Variants in IGF2BP2 observed in about 807,000 individuals in gnomAD.
IGF2BP2 encodes insulin-like growth factor 2 mRNA-binding protein 2.
IGF2BP2 carries 17 observed loss-of-function variants against 75.8 expected under a neutral mutation model. That is an observed-to-expected ratio of 0.22 (90% CI 0.15 to 0.34). The LOEUF (loss-of-function observed/expected upper bound fraction) is 0.34. Among genes scored for constraint, IGF2BP2 ranks in the 10% least tolerant of loss-of-function variants. The probability of loss-of-function intolerance (pLI) is 1.00; values close to 1 mark genes in which losing one functional copy is unlikely to be tolerated. For synonymous variants in IGF2BP2, 288 were observed against 295.6 expected, an observed-to-expected ratio of 0.97 and a Z score of 0.26; for missense variants, 516 against 772.4, an observed-to-expected ratio of 0.67 and a Z score of 3.93.
In IGF2BP2 at chr3:185,672,545, A is replaced by C. The variant is rs1718679473; in HGVS notation, c.1196T>G (p.Phe399Cys). ...GAPPAAPYHP[F>C]TTHSGYFSSL... The stretch of plus-strand genomic sequence containing the variant: ...TCCACAAGCTGAGCTACTTACAGTG[A>C]AGGGGTGGTAGGGGGCAGCGGGGGG... Residue 399 changes from phenylalanine (F) to cysteine (C), a missense_variant, in exon 10 of 16, where the codon TTC becomes TGC. Around this residue, in one of 3 missense-constraint regions of IGF2BP2, gnomAD observed 75 missense variants for 67.4 expected, o/e 1.11. Transcript: ENST00000382199. The C allele has an allele frequency of 6.2e-7, 1 of 1,611,304 alleles. No homozygotes were observed. The highest frequency in any genetic ancestry group is 1.3e-5 in the African/African-American group (1 of 74,978).
At chr3:185,650,554 G>A (rs931840767) in intron 13 of IGF2BP2, among the ~76,000 whole-genome samples, 2 of 152,026 alleles carry the variant, frequency 1.3e-5, no homozygotes, top group Non-Finnish European at 2.9e-5. Context: ...GCATGCCCCT[G>A]TAATTCCAGC....
chr3:185,706,712 T>A (rs189180440), intron 2 of IGF2BP2, among the ~76,000 whole-genome samples: 1 of 151,848 alleles, frequency 6.6e-6, no homozygotes, highest in African/African-American at 2.4e-5. Flanking sequence ...TCTAGTGAAA[T>A]AGATTATCAG....
chr3:185,791,133 G>GTAACTT (rs1736590476), intron 2 of IGF2BP2, among the ~76,000 whole-genome samples: 1 of 152,204 alleles, frequency 6.6e-6, no homozygotes, highest in Non-Finnish European at 1.5e-5. Context: ...CTGTCTAAAG[G>GTAACTT]GTAGGCACTG....
chr3:185,779,390 T>G lies in IGF2BP2; in HGVS notation c.239+43763A>C, dbSNP rs192416197. Among the ~76,000 whole-genome samples, 66 of 152,300 alleles carry G rather than the reference T, an allele frequency of 4.3e-4. No individual in the cohort carries two copies. The East Asian group carries it at 0.011, about 26-fold the overall frequency. ...CCCAGTTTCAATCACCATCAACATT[T>G]TGCCATAAATGTTCACAGTATCTAA... On this transcript the variant is annotated intron_variant, in intron 2 of 15. Coordinates refer to ENST00000382199, the MANE Select transcript of IGF2BP2 (RefSeq NM_006548.6).
At position 185,687,090 on chromosome 3, in the gene IGF2BP2, T is replaced by G. The variant is rs1721247809; in HGVS notation, c.779A>C (p.Glu260Ala). 1.2e-6 allele frequency: 2 copies of G among 1,613,578 alleles called. No homozygotes were observed. Among genetic ancestry groups the G allele is most frequent in the African/African-American group, 1.3e-5 (1 of 75,014 alleles). ...GTSEACRMIL[E>A]IMQKEADETK... ...CTCATCTGCCTCTTTCTGCATGATTTCAAGAATCATGCGGCATGCTTCAGA... is the reference window on the plus strand; with the variant it reads ...CTCATCTGCCTCTTTCTGCATGATTGCAAGAATCATGCGGCATGCTTCAGA... The change falls in exon 7 of 16, where the codon GAA becomes GCA. Residue 260 changes from glutamate to alanine, a missense_variant. Glu to Ala is a moderately radical substitution (Grantham distance 107). Coordinates refer to ENST00000382199, the MANE Select transcript of IGF2BP2 (RefSeq NM_006548.6).
chr3:185,650,054 G>A (rs148771875), intron 13 of IGF2BP2, among the ~76,000 whole-genome samples: 60 of 151,590 alleles, frequency 4.0e-4, no homozygotes, highest in African/African-American at 1.4e-3. Flanking sequence ...CCAGGTTGGA[G>A]TGCAGTGGCA....
At chr3:185,753,009 G>C (rs1260152676) in intron 2 of IGF2BP2, among the ~76,000 whole-genome samples, 1 of 152,122 alleles carries the variant, frequency 6.6e-6, no homozygotes, top group Non-Finnish European at 1.5e-5. Flanking sequence ...TGGTAGTAGG[G>C]GAGACAAATC....
chr3:185,775,336 A>T (rs966694125), intron 2 of IGF2BP2, among the ~76,000 whole-genome samples: 22 of 152,220 alleles, frequency 1.4e-4, no homozygotes, highest in African/African-American at 5.1e-4. Context: ...TTCAGCAAAC[A>T]TTTCAATGAA....
At chr3:185,724,224 G>A (rs1344026531) in intron 2 of IGF2BP2, among the ~76,000 whole-genome samples, 1 of 152,162 alleles carries the variant, frequency 6.6e-6, no homozygotes, top group African/African-American at 2.4e-5. Context: ...ATCATTCCCT[G>A]GGCTCTTCTT....
chr3:185,732,539 C>A (rs1480835637), intron 2 of IGF2BP2, among the ~76,000 whole-genome samples: 1 of 152,176 alleles, frequency 6.6e-6, no homozygotes, highest in Non-Finnish European at 1.5e-5. Context: ...CTTCAAAACC[C>A]TCTAAGGCAA....
In IGF2BP2 at chr3:185,692,805, T is replaced by C. The variant is rs998692904; in HGVS notation, c.341-43A>G. 1.9e-6 allele frequency: 3 copies of C among 1,575,008 alleles called. 1 individual carries two copies. In the South Asian group the frequency reaches 3.4e-5, roughly 18 times the overall value. ...ACTACACTGTCATAGGAAAAAGTGCTGTCACCCTCTGGCTTAATGTAAACA... is the reference window on the plus strand; with the variant it reads ...ACTACACTGTCATAGGAAAAAGTGCCGTCACCCTCTGGCTTAATGTAAACA... On this transcript the variant is annotated intron_variant, in intron 4 of 15. Coordinates refer to ENST00000382199, the MANE Select transcript of IGF2BP2 (RefSeq NM_006548.6).
chr3:185,726,982 G>C (rs1199999948), intron 2 of IGF2BP2, among the ~76,000 whole-genome samples: 1 of 152,176 alleles, frequency 6.6e-6, no homozygotes, highest in Non-Finnish European at 1.5e-5. Flanking sequence ...ACTTTGGGAG[G>C]CCAAGGCGGG....
At chr3:185,689,840 C>A (rs1425327275) in intron 5 of IGF2BP2, among the ~76,000 whole-genome samples, 1 of 150,706 alleles carries the variant, frequency 6.6e-6, no homozygotes, top group Non-Finnish European at 1.5e-5. Flanking sequence ...TAGTGGCGGG[C>A]GCCTGTAGTC....
chr3:185,782,993 T>C (rs139406899), intron 2 of IGF2BP2, among the ~76,000 whole-genome samples: 35 of 152,338 alleles, frequency 2.3e-4, no homozygotes, highest in Admixed American at 2.3e-3. Flanking sequence ...CCTTGTGTTA[T>C]CAAGTTACTA....
chr3:185,785,408 A>G (rs1735756810), intron 2 of IGF2BP2, among the ~76,000 whole-genome samples: 1 of 151,248 alleles, frequency 6.6e-6, no homozygotes, highest in South Asian at 2.1e-4. Flanking sequence ...TGTGTCAATA[A>G]CGAGTGTTAA....
intron 15 of IGF2BP2, among the ~76,000 whole-genome samples, chr3:185,646,471 C>G (rs549402987): frequency 6.6e-6 from 1 of 152,336 alleles, no homozygotes; most frequent in Admixed American, 6.5e-5. Flanking sequence ...ACTCAATTTA[C>G]AAAAGCATCA....
intron 2 of IGF2BP2, among the ~76,000 whole-genome samples, chr3:185,713,959 C>A (rs189149912): frequency 6.6e-5 from 10 of 152,336 alleles, no homozygotes; most frequent in African/African-American, 2.4e-4. Context: ...TCTTGGCCTC[C>A]CAAAGTGCTG....
chr3:185,664,034 G>C (rs550405186), intron 10 of IGF2BP2, among the ~76,000 whole-genome samples: 1 of 152,202 alleles, frequency 6.6e-6, no homozygotes, highest in Non-Finnish European at 1.5e-5. Flanking sequence ...AGGAAGGGGC[G>C]ACGACTTGGC....
At chr3:185,703,892 G>A (rs918418986) in intron 2 of IGF2BP2, among the ~76,000 whole-genome samples, 3 of 152,210 alleles carry the variant, frequency 2.0e-5, no homozygotes, top group African/African-American at 7.2e-5. Context: ...GCTACCTTGA[G>A]AACTCTAAAC....
Sources: allele counts gnomAD v4.1 joint callset (sites outside exome capture counted in the v4.1 genomes callset), GRCh38; gene constraint gnomAD v4.1.1; regional missense constraint gnomAD v4.1.1; transcripts MANE v1.5; gene names NCBI Gene and HGNC (gene_info 2026-07-23, HGNC 2026-07-21).